Variants in CGRRF1 observed in about 807,000 individuals in gnomAD.
The protein encoded by CGRRF1 is cell growth regulator with RING finger domain protein 1.
Under a neutral mutation model 37.2 loss-of-function variants are expected in CGRRF1, and 32 were observed. That is an observed-to-expected ratio of 0.86 (90% CI 0.65 to 1.16). CGRRF1 has a LOEUF of 1.16. Ranked by LOEUF, CGRRF1 falls within the 50% of genes most tolerant of loss-of-function variation. The pLI is 0.00. For missense variants in CGRRF1, 391 were observed against 382.6 expected (o/e 1.02, Z -0.18); for synonymous variants, 141 against 140.3 (o/e 1.00, Z -0.04).
chr14:54,522,301 G>A (rs998948372), intron 1 of CGRRF1, among the ~76,000 whole-genome samples, 153 bp from the exon 2 acceptor site: 1 of 152,162 alleles, frequency 6.6e-6, no homozygotes, highest in African/African-American at 2.4e-5. Flanking sequence ...TTGCAGTTCT[G>A]TGGGATCTCT....
chr14:54,510,741 ATTC>A (rs1367703098), intron 1 of CGRRF1, among the ~76,000 whole-genome samples: 1 of 152,226 alleles, frequency 6.6e-6, no homozygotes, highest in East Asian at 1.9e-4. Context: ...CCGCTGAGCA[ATTC>A]TTCTAGCCTA....
intron 1 of CGRRF1, among the ~76,000 whole-genome samples, chr14:54,514,487 T>C (rs573031290): frequency 6.6e-6 from 1 of 152,242 alleles, no homozygotes; most frequent in Non-Finnish European, 1.5e-5. Flanking sequence ...ATGTGAAGGT[T>C]TGTTACATAG....
chr14:54,520,348 C>T (rs910879097), intron 1 of CGRRF1, among the ~76,000 whole-genome samples: 11 of 152,098 alleles, frequency 7.2e-5, no homozygotes, highest in Middle Eastern at 3.4e-3. Flanking sequence ...TTAATCAGGA[C>T]GGTCTCGATC....
At chr14:54,535,351 G>T (rs1362703471) in intron 4 of CGRRF1, among the ~76,000 whole-genome samples, 1 of 125,482 alleles carries the variant, frequency 8.0e-6, no homozygotes, top group Non-Finnish European at 1.7e-5. Flanking sequence ...CATTTTTGAA[G>T]GGTATAGTCA....
chr14:54,510,330 C>G (rs1030380641), intron 1 of CGRRF1: 7 of 487,386 alleles, frequency 1.4e-5, no homozygotes, highest in Admixed American at 3.8e-5. Flanking sequence ...AGCTTTGTTT[C>G]TAGGCGATAA....
At chr14:54,518,107 T>C (rs2032247319) in intron 1 of CGRRF1, among the ~76,000 whole-genome samples, 1 of 152,208 alleles carries the variant, frequency 6.6e-6, no homozygotes, top group African/African-American at 2.4e-5. Flanking sequence ...ATCTTTATAA[T>C]AGAATGATTT....
chr14:54,522,022 A>G (rs1837609988), intron 1 of CGRRF1, among the ~76,000 whole-genome samples: 1 of 151,970 alleles, frequency 6.6e-6, no homozygotes, highest in Admixed American at 6.6e-5. Flanking sequence ...TCTGAGGGGG[A>G]TTGATTCTAG....
intron 2 of CGRRF1, among the ~76,000 whole-genome samples, chr14:54,524,665 T>A (rs889064976): frequency 5.3e-5 from 8 of 152,126 alleles, no homozygotes; most frequent in African/African-American, 1.9e-4. Flanking sequence ...AGTGCTGGGA[T>A]TACAGGCGTG....
chr14:54,527,256 A>G (rs1594653169), intron 2 of CGRRF1, among the ~76,000 whole-genome samples: 1 of 152,156 alleles, frequency 6.6e-6, no homozygotes, highest in African/African-American at 2.4e-5. Flanking sequence ...AATAGTTTTG[A>G]TGGGGGTACT....
chr14:54,529,186 C>T (rs75232209), intron 2 of CGRRF1, among the ~76,000 whole-genome samples: 4,790 of 152,098 alleles, frequency 0.031, 185 homozygotes, highest in East Asian at 0.095. Context: ...GAGTACTACA[C>T]GTTACAGTTT....
At chr14:54,524,466 G>T (rs2032378244) in intron 2 of CGRRF1, among the ~76,000 whole-genome samples, 2 of 149,012 alleles carry the variant, frequency 1.3e-5, no homozygotes, top group African/African-American at 2.5e-5. Context: ...CCTCACTGCA[G>T]CCCCAATACC....
chr14:54,526,604 A>G (rs559226322), intron 2 of CGRRF1, among the ~76,000 whole-genome samples: 5 of 152,274 alleles, frequency 3.3e-5, no homozygotes, highest in East Asian at 1.9e-4. Context: ...CATGTCTCCA[A>G]TATAGAGTCT....
chr14:54,515,419 A>T (rs2032199823), intron 1 of CGRRF1, among the ~76,000 whole-genome samples: 1 of 152,068 alleles, frequency 6.6e-6, no homozygotes, highest in African/African-American at 2.4e-5. Context: ...AGTGTCAATT[A>T]AGTCAAATTG....
rs997795868 is a variant in CGRRF1 at position 54,533,503 on chromosome 14, A to G, written c.570+2453A>G. Among the ~76,000 whole-genome samples the G allele has an allele frequency of 4.6e-5, 7 of 152,198 alleles. 1 individual carries two copies. Among genetic ancestry groups the G allele is most frequent in the Admixed American group, 6.5e-5 (1 of 15,288 alleles). The stretch of plus-strand genomic sequence containing the variant: ...TTGGGGGTAATATTGGCACTCAAAT[A>G]TATTTATTAGTGTATTTTGTATTAA... On this transcript the variant is annotated intron_variant, in intron 4 of 5. Transcript: ENST00000216420.
chr14:54,521,802 C>T (rs1412877463), intron 1 of CGRRF1, among the ~76,000 whole-genome samples: 4 of 152,024 alleles, frequency 2.6e-5, no homozygotes, highest in Non-Finnish European at 4.4e-5. Context: ...CCACCACACC[C>T]GGCCAATAGT....
chr14:54,533,405 A>G (rs1439353828), intron 4 of CGRRF1, among the ~76,000 whole-genome samples: 1 of 151,808 alleles, frequency 6.6e-6, no homozygotes, highest in African/African-American at 2.4e-5. Context: ...GTCCTTTTGA[A>G]TGTCTTTTAT....
In CGRRF1 at chr14:54,537,999, C is replaced by T. The variant is rs2032626520; in HGVS notation, c.679-64C>T. The T allele has an allele frequency of 2.1e-5, 31 of 1,450,480 alleles. No individual in the cohort carries two copies. The South Asian group carries it at 3.8e-4, about 18-fold the overall frequency. The allele number at this position is 1,450,480 out of a possible 1,614,324, so 89.9% of individuals were successfully genotyped here. On this transcript the variant is annotated intron_variant, in intron 5 of 5. Coordinates refer to ENST00000216420, the MANE Select transcript of CGRRF1 (RefSeq NM_006568.3). ...ATAAATTTTAAGCCGCTTCTTATGA[C>T]CCCCAATTTTAAAGAGTAATTGTTA... is the stretch of plus-strand genomic sequence containing the variant.
chr14:54,521,423 T>TGG (rs2032314820), intron 1 of CGRRF1, among the ~76,000 whole-genome samples: 2 of 151,298 alleles, frequency 1.3e-5, no homozygotes, highest in Non-Finnish European at 2.9e-5. Context: ...ATCACGCCAT[T>TGG]GCACTCCAGC....
At chr14:54,520,218 C>G (rs2032292354) in intron 1 of CGRRF1, among the ~76,000 whole-genome samples, 1 of 152,120 alleles carries the variant, frequency 6.6e-6, no homozygotes, top group Non-Finnish European at 1.5e-5. Flanking sequence ...ACGCCATTCT[C>G]CTGCTTCAGC....
Sources: gnomAD v4.1 joint callset for allele counts (sites outside exome capture counted in the v4.1 genomes callset) on GRCh38, gnomAD v4.1.1 for gene constraint, MANE v1.5 for transcripts, NCBI Gene and HGNC (gene_info 2026-07-23, HGNC 2026-07-21) for gene names.